L3MBTL4: variants seen among roughly 807,000 people sequenced by gnomAD.
L3MBTL4 encodes lethal(3)malignant brain tumor-like protein 4.
A neutral mutation model predicts 84.5 loss-of-function variants in L3MBTL4; 70 were observed. That is an observed-to-expected ratio of 0.83 (90% confidence interval 0.68 to 1.01). The LOEUF (loss-of-function observed/expected upper bound fraction) is 1.01, where lower values mean the gene tolerates loss of function less well. Ranked by LOEUF, L3MBTL4 falls within the 50% of genes least tolerant of loss-of-function variation. The pLI is 0.00. For missense variants in L3MBTL4, 715 were observed against 754.8 expected (o/e 0.95, Z 0.62); for synonymous variants, 274 against 259.8 (o/e 1.05, Z -0.52).
At chr18:6,014,413 A>G (rs1045172962) in intron 16 of L3MBTL4, among the ~76,000 whole-genome samples, 2 of 152,196 alleles carry the variant, frequency 1.3e-5, no homozygotes, top group African/African-American at 4.8e-5. Flanking sequence ...AAGCAACTAC[A>G]ATACAGAATG....
At chr18:6,278,126 C>T (rs968064476) in intron 4 of L3MBTL4, among the ~76,000 whole-genome samples, 49 of 151,818 alleles carry the variant, frequency 3.2e-4, no homozygotes, top group African/African-American at 1.1e-3. Context: ...CTAAAAATTC[C>T]AAGACAATAA....
chr18:6,137,690 C>T (rs142605436), intron 14 of L3MBTL4, among the ~76,000 whole-genome samples: 1 of 152,230 alleles, frequency 6.6e-6, no homozygotes, highest in African/African-American at 2.4e-5. Flanking sequence ...TATTATTTTT[C>T]TTCAAAAGCA....
intron 1 of L3MBTL4, among the ~76,000 whole-genome samples, chr18:6,371,083 T>C (rs560419743): frequency 2.9e-3 from 442 of 152,222 alleles, no homozygotes; most frequent in Non-Finnish European, 4.9e-3. Context: ...ACTGTAAATA[T>C]TAAGGCTTTG....
chr18:5,989,586 C>G (rs1218161923), intron 16 of L3MBTL4, among the ~76,000 whole-genome samples: 2 of 152,274 alleles, frequency 1.3e-5, no homozygotes, highest in Admixed American at 6.5e-5. Flanking sequence ...ATCAACCAAC[C>G]CACCCACCCA....
intron 16 of L3MBTL4, among the ~76,000 whole-genome samples, chr18:6,034,844 C>G (rs1424877921): frequency 6.7e-6 from 1 of 149,552 alleles, no homozygotes; most frequent in Admixed American, 6.6e-5. Flanking sequence ...GCCATTCTAA[C>G]TGGTGTGAGA....
At chr18:5,978,567 T>C (rs571389511) in intron 16 of L3MBTL4, among the ~76,000 whole-genome samples, 1 of 152,296 alleles carries the variant, frequency 6.6e-6, no homozygotes, top group Non-Finnish European at 1.5e-5. Context: ...AAGTTTCTTC[T>C]TTTTAGGCAT....
chr18:6,253,783 A>T (rs988963889), intron 5 of L3MBTL4, among the ~76,000 whole-genome samples: 1 of 152,208 alleles, frequency 6.6e-6, no homozygotes, highest in Non-Finnish European at 1.5e-5. Flanking sequence ...CTGCAAGACA[A>T]TGGAAGACTA....
intron 16 of L3MBTL4, among the ~76,000 whole-genome samples, chr18:5,994,330 T>C (rs1011021869): frequency 1.3e-5 from 2 of 152,240 alleles, no homozygotes; most frequent in African/African-American, 2.4e-5. Flanking sequence ...GTGTCTGGTT[T>C]AATGCTTAGC....
At chr18:5,975,060 T>A (rs568288992) in intron 16 of L3MBTL4, among the ~76,000 whole-genome samples, 2 of 152,268 alleles carry the variant, frequency 1.3e-5, no homozygotes, top group Admixed American at 6.5e-5. Context: ...GGTCCCTGAT[T>A]TCTTCTCTGC....
rs1038805783 is a variant in L3MBTL4 at position 6,024,230 on chromosome 18, C to T, written c.1445-54668G>A. On this transcript the variant is annotated intron_variant, in intron 16 of 18. Coordinates refer to ENST00000317931, the MANE Select transcript of L3MBTL4 (RefSeq NM_001330559.2). ...CAATGTTCACAACTACCCTCACTTA[C>T]GCATTTTGAAGTTTGGATGGTCATC... 1.2e-4 allele frequency among the ~76,000 whole-genome samples: 18 copies of T among 152,258 alleles called. 1 individual carries two copies. Among genetic ancestry groups the T allele is most frequent in the African/African-American group, 3.1e-4 (13 of 41,548 alleles).
At chr18:6,076,088 T>C (rs955788297) in intron 16 of L3MBTL4, among the ~76,000 whole-genome samples, 1 of 152,202 alleles carries the variant, frequency 6.6e-6, no homozygotes, top group Non-Finnish European at 1.5e-5. Context: ...TGACACTAAC[T>C]GCTGAAATTG....
intron 12 of L3MBTL4, among the ~76,000 whole-genome samples, chr18:6,173,893 T>C (rs1248405814): frequency 6.6e-6 from 1 of 152,130 alleles, no homozygotes; most frequent in African/African-American, 2.4e-5. Flanking sequence ...GAGTAGCTGA[T>C]ACGGGGCTGA....
At chr18:6,276,572 A>T (rs1415770646) in intron 4 of L3MBTL4, among the ~76,000 whole-genome samples, 4 of 152,076 alleles carry the variant, frequency 2.6e-5, no homozygotes, top group African/African-American at 9.7e-5. Context: ...GTATTCATCC[A>T]GTCCTCATTT....
rs147335552 is a variant in L3MBTL4, at chr18:6,338,122, T to C, written c.-90-26066A>G. Among the ~76,000 whole-genome samples, 1,365 of 151,998 alleles carry C rather than the reference T, an allele frequency of 9.0e-3. 18 individuals are homozygous for C. The highest frequency in any genetic ancestry group is 0.032 in the African/African-American group (1,320 of 41,462). The stretch of plus-strand genomic sequence containing the variant: ...GATGTTTTTGAACAAACAAAAACTT[T>C]AACAATCCACTGACGACAGAACCAT... On this transcript the variant is annotated intron_variant, in intron 1 of 18. Coordinates refer to ENST00000317931, the MANE Select transcript of L3MBTL4 (RefSeq NM_001330559.2).
chr18:6,316,161 C>G (rs1057498165), intron 1 of L3MBTL4, among the ~76,000 whole-genome samples: 1 of 151,656 alleles, frequency 6.6e-6, no homozygotes, highest in Non-Finnish European at 1.5e-5. Context: ...CCACCCCCAT[C>G]GGAGCTAGTG....
At chr18:6,335,942 T>TA (rs2052313783) in intron 1 of L3MBTL4, among the ~76,000 whole-genome samples, 1 of 152,226 alleles carries the variant, frequency 6.6e-6, no homozygotes, top group Non-Finnish European at 1.5e-5. Flanking sequence ...AACGGACTAA[T>TA]ACAAGCTGTA....
chr18:6,313,524 G>A (rs2050938111), intron 1 of L3MBTL4, among the ~76,000 whole-genome samples: 1 of 152,166 alleles, frequency 6.6e-6, no homozygotes, highest in Non-Finnish European at 1.5e-5. Flanking sequence ...TCATTTTGTA[G>A]AATGTAAATA....
intron 17 of L3MBTL4, among the ~76,000 whole-genome samples, chr18:5,964,151 G>A (rs1340798048): frequency 3.9e-5 from 6 of 152,224 alleles, no homozygotes; most frequent in African/African-American, 9.6e-5. Context: ...TCTCAGGCAC[G>A]CAGTGTCCTA....
intron 5 of L3MBTL4, among the ~76,000 whole-genome samples, chr18:6,255,397 T>C (rs2048093578): frequency 6.6e-6 from 1 of 152,212 alleles, no homozygotes; most frequent in Admixed American, 6.5e-5. Context: ...GCAACCCTGG[T>C]ACTTTCAATC....
Sources: allele counts gnomAD v4.1 joint callset (sites outside exome capture counted in the v4.1 genomes callset), GRCh38; gene constraint gnomAD v4.1.1; transcripts MANE v1.5; gene names NCBI Gene and HGNC (gene_info 2026-07-23, HGNC 2026-07-21).